Variants in EIPR1 observed in about 807,000 individuals in gnomAD.
EIPR1 encodes the protein EARP complex and GARP complex interacting protein 1.
Under a neutral mutation model 48.1 loss-of-function variants are expected in EIPR1, and 25 were observed. The ratio of observed to expected loss-of-function variants is 0.52; its 90% CI spans 0.38 to 0.73. EIPR1 has a LOEUF of 0.73. Ranked by LOEUF, EIPR1 falls within the 30% of genes least tolerant of loss-of-function variation. EIPR1 has a pLI of 0.00. For missense variants in EIPR1, 415 were observed against 506.2 expected (o/e 0.82, Z 1.73); for synonymous variants, 204 against 201.9 (o/e 1.01, Z -0.09).
At chr2:3,338,273 G>T in intron 2 of EIPR1, 124 bp from the exon 3 acceptor site, 1 of 1,128,492 alleles carries the variant, frequency 8.9e-7, no homozygotes, top group Non-Finnish European at 1.2e-6. Context: ...TTAGTTAATT[G>T]TTATTATGCC....
At chr2:3,247,584 C>A (rs1666871672) in intron 4 of EIPR1, among the ~76,000 whole-genome samples, 1 of 152,194 alleles carries the variant, frequency 6.6e-6, no homozygotes, top group South Asian at 2.1e-4. Flanking sequence ...CTCCGAAGGG[C>A]ACTGGTGTAA....
At chr2:3,234,835 A>G (rs968052250) in intron 4 of EIPR1, among the ~76,000 whole-genome samples, 18 of 152,196 alleles carry the variant, frequency 1.2e-4, no homozygotes, top group African/African-American at 4.1e-4. Flanking sequence ...TGTGCTTTGA[A>G]GTAAGTGTTC....
At chr2:3,254,361 A>G (rs1345985605) in intron 4 of EIPR1, among the ~76,000 whole-genome samples, 2 of 152,348 alleles carry the variant, frequency 1.3e-5, no homozygotes, top group East Asian at 3.9e-4. Context: ...CTGTTCATAC[A>G]AAAACCTGTT....
At chr2:3,295,431 G>GCA (rs1491372455) in intron 3 of EIPR1, among the ~76,000 whole-genome samples, 2 of 17,084 alleles carry the variant, frequency 1.2e-4, no homozygotes, top group African/African-American at 2.5e-4. Context: ...CATCCTCTCT[G>GCA]CACACACACA....
chr2:3,278,442 T>A (rs539181642), intron 3 of EIPR1, among the ~76,000 whole-genome samples: 10 of 152,156 alleles, frequency 6.6e-5, no homozygotes, highest in Admixed American at 2.6e-4. Context: ...GAGAGTACCC[T>A]CCCTCCGTGC....
intron 3 of EIPR1, among the ~76,000 whole-genome samples, chr2:3,326,423 C>G (rs111815849): frequency 6.1e-4 from 93 of 152,258 alleles, no homozygotes; most frequent in African/African-American, 2.2e-3. Flanking sequence ...CCTGCAAGAC[C>G]GCTGCCTCCC....
At chr2:3,237,268 A>ACC (rs1373222436) in intron 4 of EIPR1, among the ~76,000 whole-genome samples, 4 of 146,642 alleles carry the variant, frequency 2.7e-5, no homozygotes, top group African/African-American at 1.0e-4. Context: ...ACACACACAC[A>ACC]CACCATACAT....
chr2:3,283,412 G>A (rs778511217), intron 3 of EIPR1, among the ~76,000 whole-genome samples: 12 of 152,220 alleles, frequency 7.9e-5, no homozygotes, highest in African/African-American at 2.2e-4. Context: ...AGCAGGTGGC[G>A]GGGCCACTCC....
chr2:3,207,155 G>A (rs190103284), intron 5 of EIPR1, among the ~76,000 whole-genome samples: 22 of 152,168 alleles, frequency 1.4e-4, no homozygotes, highest in Non-Finnish European at 2.5e-4. Flanking sequence ...CCATCCACGC[G>A]TCCACCCACC....
At chr2:3,308,040 GC>G (rs1438701714) in intron 3 of EIPR1, among the ~76,000 whole-genome samples, 6 of 152,158 alleles carry the variant, frequency 3.9e-5, no homozygotes, top group African/African-American at 1.4e-4. Flanking sequence ...AGCCACACCA[GC>G]CCCAGGAAGA....
intron 3 of EIPR1, among the ~76,000 whole-genome samples, chr2:3,284,489 G>A (rs1265353223): frequency 2.0e-5 from 3 of 152,278 alleles, no homozygotes; most frequent in African/African-American, 2.4e-5. Context: ...TGGAGATGGG[G>A]CGGGAGGCCG....
chr2:3,333,981 T>C (rs796301445), intron 3 of EIPR1, among the ~76,000 whole-genome samples: 22 of 152,208 alleles, frequency 1.4e-4, no homozygotes, highest in African/African-American at 5.1e-4. Context: ...GCCCTCAGCC[T>C]CTTCATTAAA....
At position 3,192,404 on chromosome 2, in the gene EIPR1, G is replaced by T; in HGVS notation, c.989+10C>A. The T allele has an allele frequency of 6.2e-7, 1 of 1,602,872 alleles. No homozygotes were observed. The highest frequency in any genetic ancestry group is 8.5e-7 in the Non-Finnish European group (1 of 1,174,516). Reference sequence around the variant, plus strand: ...TACAGCGTGAGCCACTCTGCAGTGCGTGCCCTTACTTCTCTTCAGAACGGT... The same window carrying T: ...TACAGCGTGAGCCACTCTGCAGTGCTTGCCCTTACTTCTCTTCAGAACGGT... On this transcript the variant is annotated intron_variant, in intron 8 of 8. Transcript: ENST00000382125.
intron 3 of EIPR1, among the ~76,000 whole-genome samples, chr2:3,330,931 T>C (rs1354227092): frequency 5.9e-5 from 6 of 100,884 alleles, no homozygotes; most frequent in South Asian, 8.8e-4. Flanking sequence ...CTGGCAAGTG[T>C]ACACTCGTGA....
chr2:3,225,097 A>T (rs1246002754), intron 4 of EIPR1, among the ~76,000 whole-genome samples: 2 of 152,236 alleles, frequency 1.3e-5, no homozygotes, highest in Non-Finnish European at 2.9e-5. Flanking sequence ...AACTATCTAT[A>T]GGTCCAATCA....
At chr2:3,267,175 T>A (rs1667515848) in intron 3 of EIPR1, among the ~76,000 whole-genome samples, 1 of 152,134 alleles carries the variant, frequency 6.6e-6, no homozygotes, top group Admixed American at 6.5e-5. Flanking sequence ...ATTTCTCCAA[T>A]CCCTGTATGT....
intron 4 of EIPR1, among the ~76,000 whole-genome samples, chr2:3,238,290 G>T (rs946742066): frequency 6.6e-6 from 1 of 152,114 alleles, no homozygotes; most frequent in Non-Finnish European, 1.5e-5. Flanking sequence ...TTTCCGGAGC[G>T]CCCGTGACCC....
chr2:3,251,907 G>A (rs1667010513), intron 4 of EIPR1, among the ~76,000 whole-genome samples: 1 of 152,172 alleles, frequency 6.6e-6, no homozygotes, highest in African/African-American at 2.4e-5. Context: ...TGTTTCTGGA[G>A]TTCTGGGGCG....
intron 3 of EIPR1, among the ~76,000 whole-genome samples, chr2:3,268,264 C>T (rs1181067371): frequency 6.6e-6 from 1 of 152,210 alleles, no homozygotes; most frequent in Non-Finnish European, 1.5e-5. Flanking sequence ...ACCTGTGGGG[C>T]CTATCTGCAC....
Sources: allele counts gnomAD v4.1 joint callset (sites outside exome capture counted in the v4.1 genomes callset), GRCh38; gene constraint gnomAD v4.1.1; transcripts MANE v1.5; gene names NCBI Gene and HGNC (gene_info 2026-07-23, HGNC 2026-07-21).